CPLX2: variants seen among roughly 807,000 people sequenced by gnomAD.
The protein encoded by CPLX2 is complexin 2, also known as complexin-2.
Under a neutral mutation model 16.3 loss-of-function variants are expected in CPLX2, and 5 were observed. The observed-to-expected ratio is 0.31, with a 90% CI of 0.16 to 0.64. CPLX2 has a LOEUF of 0.64. Ranked by LOEUF, CPLX2 falls within the 30% of genes least tolerant of loss-of-function variation. The pLI is 0.79. For missense variants in CPLX2, 144 were observed against 181.4 expected (o/e 0.79, Z 1.18); for synonymous variants, 89 against 73.2 (o/e 1.22, Z -1.10).
At chr5:175,815,763 C>T (rs1011095053) in intron 2 of CPLX2, among the ~76,000 whole-genome samples, 3 of 152,188 alleles carry the variant, frequency 2.0e-5, no homozygotes, top group African/African-American at 7.2e-5. Context: ...TTTGGACTCC[C>T]ACAGACCCTG....
intron 2 of CPLX2, among the ~76,000 whole-genome samples, chr5:175,814,322 C>T (rs1758366171): frequency 6.6e-6 from 1 of 152,342 alleles, no homozygotes; most frequent in Non-Finnish European, 1.5e-5. Flanking sequence ...GCCGGGAGTG[C>T]AGAGACCAGG....
chr5:175,826,667 C>T (rs1312427675), intron 2 of CPLX2, among the ~76,000 whole-genome samples: 1 of 152,010 alleles, frequency 6.6e-6, no homozygotes, highest in African/African-American at 2.4e-5. Flanking sequence ...TGCTTTGGGG[C>T]CCCTACTGGC....
chr5:175,800,043 T>C (rs1017774584), intron 1 of CPLX2, among the ~76,000 whole-genome samples: 3 of 152,208 alleles, frequency 2.0e-5, no homozygotes, highest in African/African-American at 7.2e-5. Context: ...TGAATTTGGC[T>C]GCACACCTAG....
chr5:175,847,379 C>T (rs1396030938), intron 2 of CPLX2, among the ~76,000 whole-genome samples: 1 of 152,192 alleles, frequency 6.6e-6, no homozygotes, highest in African/African-American at 2.4e-5. Flanking sequence ...ACCCCCGACA[C>T]AGGTTGCATC....
chr5:175,816,133 T>C (rs1229028314), intron 2 of CPLX2, among the ~76,000 whole-genome samples: 1 of 152,148 alleles, frequency 6.6e-6, no homozygotes, highest in Non-Finnish European at 1.5e-5. Context: ...TCCGCCACTA[T>C]GCAGCAGCGG....
chr5:175,858,119 T>A (rs900718524), intron 2 of CPLX2, among the ~76,000 whole-genome samples: 1 of 152,186 alleles, frequency 6.6e-6, no homozygotes, highest in Non-Finnish European at 1.5e-5. Context: ...AAAGTCTGGA[T>A]ACAAACCCAA....
chr5:175,866,723 C>G (rs1321240910), upstream of CPLX2, among the ~76,000 whole-genome samples: 1 of 152,136 alleles, frequency 6.6e-6, no homozygotes, highest in Non-Finnish European at 1.5e-5. Context: ...ACATGGACTC[C>G]ATGCACGACC....
intron 2 of CPLX2, among the ~76,000 whole-genome samples, chr5:175,857,424 T>C (rs909310048): frequency 6.6e-6 from 1 of 152,226 alleles, no homozygotes; most frequent in Non-Finnish European, 1.5e-5. Flanking sequence ...AATGGGTTTA[T>C]GTCCCAATAA....
intron 2 of CPLX2, among the ~76,000 whole-genome samples, chr5:175,844,422 T>C (rs11134935): frequency 0.53 from 80,707 of 152,142 alleles, 21,987 homozygotes; most frequent in Admixed American, 0.6. Flanking sequence ...GAGGGGCCAA[T>C]AGGGACAGAC....
At chr5:175,865,600 G>C (rs1759459585) in intron 2 of CPLX2, among the ~76,000 whole-genome samples, 2 of 152,200 alleles carry the variant, frequency 1.3e-5, no homozygotes, top group African/African-American at 4.8e-5. Context: ...AGATTCTAAA[G>C]TTGTGAGTGA....
At chr5:175,870,552 G>T (rs1478091125), upstream of CPLX2, among the ~76,000 whole-genome samples, 2 of 152,146 alleles carry the variant, frequency 1.3e-5, no homozygotes, top group Non-Finnish European at 2.9e-5. Context: ...TACACATCGG[G>T]CTGGAGTAAT....
chr5:175,878,547 A>T (rs1755469140), intron 1 of CPLX2, 105 bp from the exon 2 acceptor site: 4 of 633,344 alleles, frequency 6.3e-6, no homozygotes, highest in Middle Eastern at 4.3e-4. Context: ...CCTCAGAGCG[A>T]TGGGTGCCTG....
intron 2 of CPLX2, among the ~76,000 whole-genome samples, chr5:175,863,609 C>G (rs764789325): frequency 5.1e-4 from 78 of 152,330 alleles, no homozygotes; most frequent in Middle Eastern, 3.4e-3. Flanking sequence ...TAAGCTTTTC[C>G]CTGGCTTCAT....
At chr5:175,828,485 A>G (rs1009724009) in intron 2 of CPLX2, among the ~76,000 whole-genome samples, 2 of 152,178 alleles carry the variant, frequency 1.3e-5, no homozygotes, top group African/African-American at 4.8e-5. Flanking sequence ...AGCTATTGCA[A>G]AACAAATAGA....
chr5:175,863,501 C>T (rs888328293), intron 2 of CPLX2, among the ~76,000 whole-genome samples: 16 of 152,152 alleles, frequency 1.1e-4, no homozygotes, highest in African/African-American at 2.7e-4. Flanking sequence ...TTTAAGGTAA[C>T]GGAGGCGAGG....
chr5:175,836,422 G>A (rs548178798), intron 2 of CPLX2, among the ~76,000 whole-genome samples: 1 of 152,266 alleles, frequency 6.6e-6, no homozygotes, highest in Non-Finnish European at 1.5e-5. Context: ...TGAAGCACTG[G>A]TTCGTGCTCC....
At chr5:175,800,040 G>C (rs1248476754) in intron 1 of CPLX2, among the ~76,000 whole-genome samples, 4 of 152,092 alleles carry the variant, frequency 2.6e-5, no homozygotes, top group Admixed American at 2.0e-4. Context: ...CCCTGAATTT[G>C]GCTGCACACC....
At position 175,830,895 on chromosome 5, in the gene CPLX2, C is replaced by T. The variant is rs115925770; in HGVS notation, c.-89+21827C>T. Among the ~76,000 whole-genome samples, 400 of 152,300 alleles carry T rather than the reference C, an allele frequency of 2.6e-3. 4 individuals carry two copies. Among genetic ancestry groups the T allele is most frequent in the African/African-American group, 8.1e-3 (337 of 41,572 alleles). Reference sequence around the variant, plus strand: ...CTGCTCCAAACAAGCCTCGATTTTACCAACTGGAAGGGGCCTTAGAGCCCA... The same window carrying T: ...CTGCTCCAAACAAGCCTCGATTTTATCAACTGGAAGGGGCCTTAGAGCCCA... On this transcript the variant is annotated intron_variant, in intron 2 of 4. Transcript: ENST00000359546. This position sits in a 1 kb window ranked among gnomAD's most constrained non-coding sequence, Gnocchi z 4.0.
intron 2 of CPLX2, among the ~76,000 whole-genome samples, chr5:175,840,305 A>T: frequency 6.6e-6 from 1 of 152,348 alleles, no homozygotes; most frequent in Non-Finnish European, 1.5e-5. Context: ...AAATAGCTTT[A>T]ACAAGCTAGT....
Sources: allele counts gnomAD v4.1 joint callset (sites outside exome capture counted in the v4.1 genomes callset), GRCh38; gene constraint gnomAD v4.1.1; non-coding constraint Gnocchi (gnomAD v3.1); transcripts MANE v1.5; gene names NCBI Gene and HGNC (gene_info 2026-07-23, HGNC 2026-07-21).